MCC: variants seen among roughly 807,000 people sequenced by gnomAD.
The protein encoded by MCC is colorectal mutant cancer protein.
In MCC, 90 loss-of-function variants were observed where a neutral mutation model predicts 116.2. The ratio of observed to expected loss-of-function variants is 0.77; its 90% confidence interval spans 0.65 to 0.92. The LOEUF is 0.92. Ranked by LOEUF, MCC falls within the 40% of genes least tolerant of loss-of-function variation. MCC has a pLI of 0.00. For synonymous variants in MCC, 578 were observed against 510.5 expected, an observed-to-expected ratio of 1.13 and a Z score of -1.78; for missense variants, 1,516 against 1,312.2, an observed-to-expected ratio of 1.16 and a Z score of -2.40.
At chr5:113,462,982 T>C (rs1161372235) in intron 1 of MCC, among the ~76,000 whole-genome samples, 1 of 152,130 alleles carries the variant, frequency 6.6e-6, no homozygotes, top group Non-Finnish European at 1.5e-5. Flanking sequence ...ACTTAGAAGA[T>C]AATATTAAAA....
intron 2 of MCC, among the ~76,000 whole-genome samples, chr5:113,350,360 A>C (rs1348129358): frequency 1.3e-5 from 2 of 152,128 alleles, no homozygotes; most frequent in East Asian, 1.9e-4. Flanking sequence ...AGGCCAGTGG[A>C]ACAGAATAGA....
intron 16 of MCC, among the ~76,000 whole-genome samples, chr5:113,045,516 G>A (rs997084716): frequency 6.6e-6 from 1 of 152,012 alleles, no homozygotes; most frequent in Non-Finnish European, 1.5e-5. Flanking sequence ...AGTATTACTA[G>A]AGGCCAGGCA....
At chr5:113,081,906 C>T (rs553151409) in intron 11 of MCC, among the ~76,000 whole-genome samples, 8 of 152,302 alleles carry the variant, frequency 5.3e-5, no homozygotes, top group East Asian at 3.9e-4. Context: ...GGATGGGGAA[C>T]GGTATCCCTA....
chr5:113,270,059 C>G (rs1765554661), intron 3 of MCC, among the ~76,000 whole-genome samples: 2 of 152,152 alleles, frequency 1.3e-5, no homozygotes, highest in African/African-American at 4.8e-5. Flanking sequence ...TTTAACATTA[C>G]TTTCTTTCAT....
intron 1 of MCC, among the ~76,000 whole-genome samples, chr5:113,457,928 A>T (rs371843732): frequency 6.6e-6 from 1 of 151,234 alleles, no homozygotes; most frequent in African/African-American, 2.4e-5. Flanking sequence ...GTATCTAGCT[A>T]CTCTGGTGGG....
chr5:113,483,558 T>C, intron 1 of MCC, among the ~76,000 whole-genome samples: 1 of 152,290 alleles, frequency 6.6e-6, no homozygotes, highest in East Asian at 1.9e-4. Flanking sequence ...TTCCAAATTT[T>C]CAACAACAAG....
At chr5:113,167,339 G>A (rs1015251503) in intron 3 of MCC, among the ~76,000 whole-genome samples, 16 of 152,104 alleles carry the variant, frequency 1.1e-4, no homozygotes, top group Admixed American at 4.6e-4. Flanking sequence ...TGAAATTTGC[G>A]CACTTCATTC....
chr5:113,291,085 A>G (rs922137614), intron 3 of MCC, among the ~76,000 whole-genome samples: 1 of 152,218 alleles, frequency 6.6e-6, no homozygotes, highest in African/African-American at 2.4e-5. Flanking sequence ...CAATTTTACT[A>G]TCTGCTGTAA....
At position 113,353,951 on chromosome 5, in the gene MCC, C is replaced by G. The variant is rs148372353; in HGVS notation, c.416-13221G>C. Among the ~76,000 whole-genome samples, 39 of 152,300 alleles carry G rather than the reference C, an allele frequency of 2.6e-4. No individual in the cohort carries two copies. The East Asian group carries it at 6.9e-3, about 27-fold the overall frequency. On this transcript the variant is annotated intron_variant, in intron 2 of 18. Transcript: ENST00000408903. The stretch of plus-strand genomic sequence containing the variant: ...GGAACTAATTTCTTCAAAAGCTTAC[C>G]ACTGTTCCATTGTCCACTGAGAGTC...
chr5:113,376,606 C>CACACACACACAT, intron 2 of MCC, among the ~76,000 whole-genome samples: 1 of 151,444 alleles, frequency 6.6e-6, no homozygotes. Flanking sequence ...CACACACACA[C>CACACACACACAT]ATATCAGTAT....
intron 1 of MCC, among the ~76,000 whole-genome samples, chr5:113,480,404 G>A (rs570577099): frequency 1.3e-5 from 2 of 152,318 alleles, no homozygotes; most frequent in Admixed American, 6.5e-5. Context: ...AAGATGCACA[G>A]TTTAACATTG....
chr5:113,415,446 C>T (rs1367019476), intron 1 of MCC, among the ~76,000 whole-genome samples: 1 of 152,180 alleles, frequency 6.6e-6, no homozygotes, highest in African/African-American at 2.4e-5. Context: ...TCCCGTATTT[C>T]TTGGAGGCTT....
chr5:113,431,920 G>A (rs751635337), intron 1 of MCC, among the ~76,000 whole-genome samples: 16 of 152,114 alleles, frequency 1.1e-4, no homozygotes, highest in Admixed American at 3.3e-4. Flanking sequence ...GGCAGATCAC[G>A]AGGTCAAGAG....
intron 2 of MCC, among the ~76,000 whole-genome samples, chr5:113,343,276 T>C (rs544025787): frequency 6.6e-6 from 1 of 152,326 alleles, no homozygotes; most frequent in East Asian, 1.9e-4. Context: ...ACAGTGCCTT[T>C]ATAGCTGGGA....
rs6878940 is a variant in MCC at position 113,264,930 on chromosome 5, T to C, written c.627+75589A>G. Among the ~76,000 whole-genome samples the C allele has an allele frequency of 5.6e-3, 853 of 152,190 alleles. 8 individuals carry two copies. The highest frequency in any genetic ancestry group is 0.02 in the African/African-American group (815 of 41,518). On this transcript the variant is annotated intron_variant, in intron 3 of 18. Transcript: ENST00000408903. Reference sequence around the variant, plus strand: ...GGTGGCACATGCCTGTAGTCCCAGCTACTTGGGAGGCTGCGGCAGGAGAAT... The same window carrying C: ...GGTGGCACATGCCTGTAGTCCCAGCCACTTGGGAGGCTGCGGCAGGAGAAT...
intron 3 of MCC, among the ~76,000 whole-genome samples, chr5:113,202,273 G>T (rs6871065): frequency 6.6e-6 from 1 of 151,974 alleles, no homozygotes; most frequent in Non-Finnish European, 1.5e-5. Context: ...TCCCGGGGTT[G>T]TGCTGGAGTG....
At chr5:113,247,014 G>GAC (rs201366941) in intron 3 of MCC, among the ~76,000 whole-genome samples, 1 of 152,198 alleles carries the variant, frequency 6.6e-6, no homozygotes, top group Non-Finnish European at 1.5e-5. Flanking sequence ...TCAGTCCACT[G>GAC]TTCGGTCCAT....
intron 1 of MCC, among the ~76,000 whole-genome samples, chr5:113,469,216 T>C (rs1157944869): frequency 3.3e-5 from 5 of 152,222 alleles, no homozygotes; most frequent in Non-Finnish European, 7.3e-5. Context: ...ATTTCTTGCC[T>C]TATGCTAGCT....
At chr5:113,155,337 G>A (rs1054660117) in intron 3 of MCC, among the ~76,000 whole-genome samples, 5 of 152,184 alleles carry the variant, frequency 3.3e-5, no homozygotes, top group Admixed American at 6.5e-5. Flanking sequence ...ACAGTGCTGC[G>A]ATAAACATGG....
Sources: gnomAD v4.1 joint callset for allele counts (sites outside exome capture counted in the v4.1 genomes callset) on GRCh38, gnomAD v4.1.1 for gene constraint, MANE v1.5 for transcripts, NCBI Gene and HGNC (gene_info 2026-07-23, HGNC 2026-07-21) for gene names.